Variants in PPP1R12A observed in about 807,000 individuals in gnomAD.
PPP1R12A encodes the protein protein phosphatase 1 regulatory subunit 12A, also known as myosin binding subunit.
PPP1R12A carries 19 observed loss-of-function variants against 139.6 expected under a neutral mutation model. The observed-to-expected ratio is 0.14, with a 90% CI of 0.09 to 0.20. The LOEUF (loss-of-function observed/expected upper bound fraction) is 0.20. Ranked by LOEUF, PPP1R12A falls within the 10% of genes least tolerant of loss-of-function variation. PPP1R12A has a pLI of 1.00. For missense variants in PPP1R12A, 925 were observed against 1,211.5 expected (o/e 0.76, Z 3.51); for synonymous variants, 427 against 420.6 (o/e 1.02, Z -0.19).
chr12:79,878,252 A>C (rs908805759), intron 1 of PPP1R12A: 3 of 151,802 alleles, frequency 2.0e-5, no homozygotes, highest in African/African-American at 4.8e-5. Context: ...ACTATGTATC[A>C]CTTAAAATAC....
chr12:79,805,024 A>C (rs893309236), intron 14 of PPP1R12A, among the ~76,000 whole-genome samples: 1 of 152,128 alleles, frequency 6.6e-6, no homozygotes, highest in Admixed American at 6.5e-5. Flanking sequence ...ATAAATTCAG[A>C]CTCTTTGAAA....
intron 2 of PPP1R12A, among the ~76,000 whole-genome samples, chr12:79,849,586 T>G (rs1373616824): frequency 6.6e-6 from 1 of 152,144 alleles, no homozygotes; most frequent in Non-Finnish European, 1.5e-5. Flanking sequence ...GCCATAGTTA[T>G]TCTAAGATTC....
At chr12:79,781,752 C>A (rs1439278127) in intron 23 of PPP1R12A, 63 bp downstream of exon 23, 3 of 971,606 alleles carry the variant, frequency 3.1e-6, no homozygotes, top group Non-Finnish European at 3.0e-6. Context: ...AAACAAAAAA[C>A]CTACCATTGT....
intron 1 of PPP1R12A, among the ~76,000 whole-genome samples, chr12:79,890,901 CCACCCACACACACACACACACACACA>C (rs1458354778): frequency 4.2e-4 from 13 of 30,950 alleles, no homozygotes; most frequent in African/African-American, 2.2e-3. Flanking sequence ...CCACCCACAC[CCACCCACACACACACACACACACACA>C]CACACACACA....
chr12:79,880,531 G>A (rs961974125), intron 1 of PPP1R12A, among the ~76,000 whole-genome samples: 2 of 152,080 alleles, frequency 1.3e-5, no homozygotes, highest in African/African-American at 4.8e-5. Context: ...CTCAACAGAC[G>A]AACAGAATCT....
In PPP1R12A at chr12:79,774,812, T is replaced by C. The variant is rs1869565075; in HGVS notation, c.*1117A>G. ...ACAACAGTTTTAGACAGCACTCAGA[T>C]AAATATAGGTATGTGAAATGTAAAG... On this transcript the variant is annotated 3_prime_UTR_variant, in exon 25 of 25. Transcript: ENST00000450142. 6.6e-6 allele frequency: 1 copy of C among 152,596 alleles called. No individual in the cohort carries two copies. The highest frequency in any genetic ancestry group is 1.5e-5 in the Non-Finnish European group (1 of 67,992). The allele number at this position is 152,596 out of a possible 1,614,324, so 9.5% of individuals were successfully genotyped here.
At chr12:79,813,382 T>C (rs1207685456) in intron 9 of PPP1R12A, among the ~76,000 whole-genome samples, 2 of 152,198 alleles carry the variant, frequency 1.3e-5, no homozygotes, top group Non-Finnish European at 2.9e-5. Flanking sequence ...CAAATATAAT[T>C]TCTTCTCCTT....
intron 2 of PPP1R12A, among the ~76,000 whole-genome samples, chr12:79,847,470 T>C (rs1487507123): frequency 6.6e-6 from 1 of 152,220 alleles, no homozygotes; most frequent in African/African-American, 2.4e-5. Flanking sequence ...TTTAGATATA[T>C]TTACTGGCAT....
At position 79,845,340 on chromosome 12, in the gene PPP1R12A, GCCT is replaced by G; in HGVS notation, c.446_448del (p.Glu149del). On this transcript the variant is annotated inframe_deletion, in exon 3 of 25. Coordinates refer to ENST00000450142, the MANE Select transcript of PPP1R12A (RefSeq NM_002480.3). ...TTCATTTTGAAGTAGCTCTTCCATT[GCCT>G]CCTCCTCCGCAATATCTAAAGGTGT... is the stretch of plus-strand genomic sequence containing the variant. 1 of 1,612,934 alleles carries G rather than the reference GCCT, an allele frequency of 6.2e-7. No homozygotes were observed. The highest frequency in any genetic ancestry group is 8.5e-7 in the Non-Finnish European group (1 of 1,179,332).
rs1184800945 is a variant in PPP1R12A at position 79,860,089 on chromosome 12, CTTAGAT to C, written c.368+12713_368+12718del. Among the ~76,000 whole-genome samples the C allele has an allele frequency of 2.6e-5, 4 of 152,312 alleles. No individual in the cohort carries two copies. In the East Asian group the frequency reaches 7.7e-4, roughly 29 times the overall value. ...AGGCTAATACAGGGCTAATTTCCCT[CTTAGAT>C]TGGAAAACTGAACACTAAAGCTATT... On this transcript the variant is annotated intron_variant, in intron 2 of 24. Coordinates refer to ENST00000450142, the MANE Select transcript of PPP1R12A (RefSeq NM_002480.3).
chr12:79,810,001 T>C lies in PPP1R12A; in HGVS notation c.1249A>G (p.Thr417Ala). The stretch of plus-strand genomic sequence containing the variant: ...TCTTTGGGAGAAATTTTTGTAGCTG[T>C]GGTTGGAAACTGTGTTTATTTTATT... ...PTSPIKKFPT[T>A]ATKISPKEEE... The change falls in exon 10 of 25, where the codon ACA (threonine) becomes GCA (alanine). Residue 417 changes from threonine (T) to alanine (A), a missense_variant. Physicochemically the swap from Thr to Ala is moderately conservative, Grantham distance 58. Around this residue, in one of 4 missense-constraint regions of PPP1R12A, gnomAD observed 403 missense variants for 463.7 expected, o/e 0.87. Coordinates refer to ENST00000450142, the MANE Select transcript of PPP1R12A (RefSeq NM_002480.3). 5 of 1,611,226 alleles carry C rather than the reference T, an allele frequency of 3.1e-6. No individual in the cohort carries two copies. Among genetic ancestry groups the C allele is most frequent in the Non-Finnish European group, 3.4e-6 (4 of 1,178,552 alleles).
chr12:79,812,170 C>T (rs1874620246), intron 9 of PPP1R12A, among the ~76,000 whole-genome samples: 1 of 152,084 alleles, frequency 6.6e-6, no homozygotes, highest in Non-Finnish European at 1.5e-5. Flanking sequence ...GGCTGATATA[C>T]CTCCACTCTG....
intron 9 of PPP1R12A, among the ~76,000 whole-genome samples, chr12:79,816,211 C>A (rs1163828633): frequency 2.0e-5 from 3 of 152,084 alleles, no homozygotes; most frequent in Middle Eastern, 6.8e-3. Flanking sequence ...TTTTAAAAAA[C>A]AAACAGAAAT....
intron 8 of PPP1R12A, among the ~76,000 whole-genome samples, chr12:79,817,751 T>G (rs1359112556): frequency 2.0e-5 from 3 of 152,146 alleles, no homozygotes; most frequent in Non-Finnish European, 4.4e-5. Flanking sequence ...CTTCTGACAA[T>G]AAAATGCACA....
At chr12:79,920,343 G>A (rs914376808) in intron 1 of PPP1R12A, among the ~76,000 whole-genome samples, 11 of 152,158 alleles carry the variant, frequency 7.2e-5, no homozygotes, top group Admixed American at 3.9e-4. Flanking sequence ...ATTTCTGTGT[G>A]GACACATGTT....
intron 9 of PPP1R12A, among the ~76,000 whole-genome samples, chr12:79,811,109 G>A (rs1874471190): frequency 6.6e-6 from 1 of 152,092 alleles, no homozygotes; most frequent in Admixed American, 6.6e-5. Flanking sequence ...GGTGAATACA[G>A]CAACTAACTA....
At chr12:79,839,207 C>T (rs1374200784) in intron 3 of PPP1R12A, among the ~76,000 whole-genome samples, 1 of 152,184 alleles carries the variant, frequency 6.6e-6, no homozygotes, top group East Asian at 1.9e-4. Context: ...GGCTTATAGC[C>T]TCTTTGTTTT....
At chr12:79,778,504 A>C in intron 24 of PPP1R12A, 46 bp downstream of exon 24, 1 of 1,279,010 alleles carries the variant, frequency 7.8e-7, no homozygotes, top group Non-Finnish European at 1.1e-6. Context: ...TTTAAACATT[A>C]ATACATAAAC....
chr12:79,932,918 C>T (rs1565824012), intron 1 of PPP1R12A, among the ~76,000 whole-genome samples: 2 of 152,120 alleles, frequency 1.3e-5, no homozygotes, highest in Non-Finnish European at 2.9e-5. Flanking sequence ...TTGATGCGAA[C>T]CATTATCCAA....
Sources: allele counts gnomAD v4.1 joint callset (sites outside exome capture counted in the v4.1 genomes callset), GRCh38; gene constraint gnomAD v4.1.1; regional missense constraint gnomAD v4.1.1; transcripts MANE v1.5; gene names NCBI Gene and HGNC (gene_info 2026-07-23, HGNC 2026-07-21).